The following DYNC2LI1 variants were observed in gnomAD, a reference collection of about 807,000 sequenced individuals.
DYNC2LI1 encodes dynein cytoplasmic 2 light intermediate chain 1, also known as cytoplasmic dynein 2 light intermediate chain 1.
DYNC2LI1 carries 45 observed loss-of-function variants against 51.9 expected under a neutral mutation model. The observed-to-expected ratio is 0.87, with a 90% CI of 0.68 to 1.11. DYNC2LI1 has a LOEUF of 1.11. DYNC2LI1 is among the 50% of genes most tolerant of loss of function. The pLI, the probability that DYNC2LI1 is intolerant of heterozygous loss-of-function variation, is 0.00. For missense variants in DYNC2LI1, 490 were observed against 417.4 expected (o/e 1.17, Z -1.51); for synonymous variants, 130 against 137.8 (o/e 0.94, Z 0.40).
the DYNC2LI1 span, among the ~76,000 whole-genome samples, chr2:43,820,842 T>A: frequency 7.9e-5 from 12 of 152,192 alleles, no homozygotes; most frequent in African/African-American, 2.9e-4. Context: ...TTAGTAGAGA[T>A]GGGGTTTTGC....
At chr2:43,791,656 G>A (rs914694221) in intron 5 of DYNC2LI1, among the ~76,000 whole-genome samples, 1 of 152,186 alleles carries the variant, frequency 6.6e-6, no homozygotes, top group Non-Finnish European at 1.5e-5. Flanking sequence ...CACTCAAACT[G>A]TTTTTGACTG....
At position 43,794,785 on chromosome 2, in the gene DYNC2LI1, G is replaced by A. The variant is rs551245502; in HGVS notation, c.507+142G>A. On this transcript the variant is annotated intron_variant, in intron 6 of 12. Coordinates refer to ENST00000260605, the MANE Select transcript of DYNC2LI1 (RefSeq NM_016008.4). Reference sequence around the variant, plus strand: ...TGAACCTGTTCACTGGAAAATTACAGCAATTTATTAAAACCTCAGTAAGAG... The same window carrying A: ...TGAACCTGTTCACTGGAAAATTACAACAATTTATTAAAACCTCAGTAAGAG... 44 of 1,508,150 alleles carry A rather than the reference G, an allele frequency of 2.9e-5. No homozygotes were observed. In the East Asian group the frequency reaches 8.7e-4, roughly 30 times the overall value. The allele number at this position is 1,508,150 out of a possible 1,614,324, so 93.4% of individuals were successfully genotyped here. A position where few individuals can be genotyped will look rare whatever the true frequency, so the allele number is the denominator to read the frequency against.
chr2:43,789,575 G>A, intron 4 of DYNC2LI1, 58 bp from the exon 5 acceptor site: 1 of 1,332,686 alleles, frequency 7.5e-7, no homozygotes, highest in Non-Finnish European at 1.1e-6. Context: ...ACTGGGAAGT[G>A]CTAATGACAT....
intron 2 of DYNC2LI1, among the ~76,000 whole-genome samples, chr2:43,781,022 A>C (rs1673255028): frequency 6.6e-6 from 1 of 152,156 alleles, no homozygotes; most frequent in African/African-American, 2.4e-5. Context: ...AGTTTATGTT[A>C]ATTTGGAATT....
the DYNC2LI1 span, among the ~76,000 whole-genome samples, chr2:43,820,821 T>C: frequency 1.3e-5 from 2 of 152,064 alleles, no homozygotes; most frequent in East Asian, 3.9e-4. Context: ...ACCCAGCTAA[T>C]TTTTTTGTAT....
In DYNC2LI1 at chr2:43,796,874, G is replaced by A. The variant is rs979297945; in HGVS notation, c.654+79G>A. 289 of 1,093,764 alleles carry A rather than the reference G, an allele frequency of 2.6e-4. 4 individuals carry two copies. The highest frequency in any genetic ancestry group is 6.4e-5 in the Non-Finnish European group (46 of 715,074). The allele number at this position is 1,093,764 out of a possible 1,614,324, so 67.8% of individuals were successfully genotyped here. ...AATCAGCAACTTGATGCACAGCTACGAGGAATAAATGCTTTTGCTAATGCA... is the reference window on the plus strand; with the variant it reads ...AATCAGCAACTTGATGCACAGCTACAAGGAATAAATGCTTTTGCTAATGCA... On this transcript the variant is annotated intron_variant, in intron 8 of 12. Transcript: ENST00000260605.
chr2:43,776,637 A>C (rs1028246605), intron 1 of DYNC2LI1, 145 bp from the exon 2 acceptor site: 8 of 544,494 alleles, frequency 1.5e-5, no homozygotes, highest in Non-Finnish European at 1.6e-5. Flanking sequence ...ACTAATCCTC[A>C]GATGTTTTAC....
downstream of DYNC2LI1, chr2:43,812,895 A>C: frequency 1.8e-6 from 1 of 558,150 alleles, no homozygotes; most frequent in South Asian, 2.1e-5. Context: ...CAATTTCCAA[A>C]TAACCACATG....
chr2:43,774,277 A>T, intron 1 of DYNC2LI1, 131 bp downstream of exon 1: 2 of 1,232,092 alleles, frequency 1.6e-6, no homozygotes. Flanking sequence ...AGGGTCGGGG[A>T]CCTAGGAATC....
chr2:43,785,294 G>C (rs1373508151), intron 3 of DYNC2LI1, among the ~76,000 whole-genome samples: 1 of 152,064 alleles, frequency 6.6e-6, no homozygotes, highest in Non-Finnish European at 1.5e-5. Context: ...GTGAGACCCT[G>C]TCTCAATAAA....
intron 5 of DYNC2LI1, 164 bp from the exon 6 acceptor site, chr2:43,794,293 G>C (rs1278427701): frequency 4.7e-6 from 3 of 641,146 alleles, no homozygotes; most frequent in Admixed American, 6.2e-5. Flanking sequence ...AATAAATAAG[G>C]CTATGACTTT....
chr2:43,788,846 C>G (rs901770300), intron 4 of DYNC2LI1, among the ~76,000 whole-genome samples: 1 of 152,194 alleles, frequency 6.6e-6, no homozygotes, highest in African/African-American at 2.4e-5. Flanking sequence ...GTTGGCCAGA[C>G]TGACCTTGAA....
downstream of DYNC2LI1, among the ~76,000 whole-genome samples, chr2:43,811,215 A>G (rs536526381): frequency 6.6e-6 from 1 of 152,194 alleles, no homozygotes; most frequent in Non-Finnish European, 1.5e-5. Context: ...ATTGTCTATA[A>G]CTGATGTGAC....
chr2:43,805,809 A>T (rs1475729751), intron 12 of DYNC2LI1, among the ~76,000 whole-genome samples: 1 of 152,180 alleles, frequency 6.6e-6, no homozygotes, highest in Non-Finnish European at 1.5e-5. Flanking sequence ...ATTTGAACAC[A>T]CAAGTCTGAT....
At chr2:43,798,127 T>G (rs1665950365) in intron 8 of DYNC2LI1, among the ~76,000 whole-genome samples, 1 of 151,938 alleles carries the variant, frequency 6.6e-6, no homozygotes, top group Non-Finnish European at 1.5e-5. Flanking sequence ...AAAAAAAAAT[T>G]TCCTTTACAT....
At chr2:43,792,706 C>G in intron 5 of DYNC2LI1, 1 of 1,548,754 alleles carries the variant, frequency 6.5e-7, no homozygotes, top group Non-Finnish European at 8.7e-7. Context: ...TACTGCCTGT[C>G]TCTATGAATT....
intron 5 of DYNC2LI1, 140 bp downstream of exon 5, chr2:43,789,861 C>G (rs1673696370): frequency 1.6e-6 from 1 of 631,312 alleles, no homozygotes; most frequent in African/African-American, 1.9e-5. Context: ...TTCTAAATGC[C>G]TAACCTGTAA....
downstream of DYNC2LI1, chr2:43,814,669 T>C (rs575127146): frequency 1.0e-4 from 87 of 833,398 alleles, no homozygotes; most frequent in East Asian, 2.1e-3. Flanking sequence ...GCAATCCTTA[T>C]ATTTTCCAAC....
chr2:43,813,259 C>G, downstream of DYNC2LI1: 1 of 1,613,954 alleles, frequency 6.2e-7, no homozygotes, highest in South Asian at 1.1e-5. Flanking sequence ...AATTGAATTC[C>G]TTGAGTGAAG....
Sources: allele counts gnomAD v4.1 joint callset (sites outside exome capture counted in the v4.1 genomes callset), GRCh38; gene constraint gnomAD v4.1.1; transcripts MANE v1.5; gene names NCBI Gene and HGNC (gene_info 2026-07-23, HGNC 2026-07-21).